The following FASTKD1 variants were observed in gnomAD, a reference collection of about 807,000 sequenced individuals.
The protein encoded by FASTKD1 is FAST kinase domains 1.
Under a neutral mutation model 90.9 loss-of-function variants are expected in FASTKD1, and 94 were observed. That is an observed-to-expected ratio of 1.03 (90% CI 0.88 to 1.23). FASTKD1 has a LOEUF of 1.23. Among genes scored for constraint, FASTKD1 ranks in the 50% most tolerant of loss-of-function variants. The probability of loss-of-function intolerance (pLI) is 0.00; values close to 1 mark genes in which losing one functional copy is unlikely to be tolerated. For synonymous variants in FASTKD1, 319 were observed against 345.8 expected (o/e 0.92, Z 0.86); for missense variants, 945 against 993.5 (o/e 0.95, Z 0.66).
At chr2:169,534,234 C>T (rs1320691924) in intron 12 of FASTKD1, among the ~76,000 whole-genome samples, 2 of 135,604 alleles carry the variant, frequency 1.5e-5, no homozygotes, top group African/African-American at 2.8e-5. Context: ...CTTTAGGAGA[C>T]GATTAAGTCA....
chr2:169,532,275 G>C (rs1001476336), intron 12 of FASTKD1, among the ~76,000 whole-genome samples: 2 of 151,962 alleles, frequency 1.3e-5, no homozygotes, highest in African/African-American at 4.8e-5. Context: ...TAAAAAATAA[G>C]CCAGGTGTAG....
chr2:169,544,569 TCAAAAA>T lies in FASTKD1; in HGVS notation c.1816+146_1816+151del, dbSNP rs1685100313. 5.9e-5 allele frequency: 35 copies of T among 589,726 alleles called. No homozygotes were observed. In the South Asian group the frequency reaches 6.3e-4, roughly 11 times the overall value. The allele number at this position is 589,726 out of a possible 1,614,324, so 36.5% of individuals were successfully genotyped here. On this transcript the variant is annotated intron_variant, in intron 9 of 14. Transcript: ENST00000453153. ...CTGGGCGACAGAGCAAGACTCTGTC[TCAAAAA>T]CAAACAAACAAACAAAAAACCTTTT...
intron 3 of FASTKD1, among the ~76,000 whole-genome samples, chr2:169,566,086 G>C (rs535551827): frequency 6.6e-6 from 1 of 152,056 alleles, no homozygotes; most frequent in East Asian, 1.9e-4. Context: ...TTAATCCCTT[G>C]TCAGATGGGT....
intron 5 of FASTKD1, among the ~76,000 whole-genome samples, chr2:169,559,585 T>C (rs1441569490): frequency 6.6e-6 from 1 of 152,140 alleles, no homozygotes; most frequent in Non-Finnish European, 1.5e-5. Context: ...ATCTGGCTAA[T>C]TTTGTATTTT....
At chr2:169,563,518 C>T (rs962585077) in intron 3 of FASTKD1, 168 bp from the exon 4 acceptor site, 1 of 369,122 alleles carries the variant, frequency 2.7e-6, no homozygotes, top group African/African-American at 2.1e-5. Context: ...AAGTCAGATA[C>T]TGTAGAAAGG....
At chr2:169,549,014 G>A (rs1041147161) in intron 7 of FASTKD1, among the ~76,000 whole-genome samples, 1 of 148,532 alleles carries the variant, frequency 6.7e-6, no homozygotes, top group Non-Finnish European at 1.5e-5. Context: ...GGAGAATGGC[G>A]TGAACCCGGG....
At chr2:169,540,741 T>G (rs540651190) in intron 9 of FASTKD1, among the ~76,000 whole-genome samples, 2 of 152,144 alleles carry the variant, frequency 1.3e-5, no homozygotes, top group African/African-American at 4.8e-5. Context: ...AAGATCAGAG[T>G]TGGCAGCGGA....
In FASTKD1 at chr2:169,531,478, A is replaced by G; in HGVS notation, c.2201T>C (p.Ile734Thr). ...PYYHKVDFEC[I>T]LDKRKKPLPY... ...AAGAGGTTTTTTTCTTTTATCCAAG[A>G]TACACTCAAAATCTTAAGGAAGCAT... The change falls in exon 13 of 15, where the codon ATC (isoleucine) becomes ACC (threonine). Residue 734 changes from isoleucine to threonine, a missense_variant. Transcript: ENST00000453153. 1 of 1,605,356 alleles carries G rather than the reference A, an allele frequency of 6.2e-7. No homozygotes were observed. Among genetic ancestry groups the G allele is most frequent in the South Asian group, 1.1e-5 (1 of 89,394 alleles).
chr2:169,539,784 A>G (rs564437785), intron 10 of FASTKD1, among the ~76,000 whole-genome samples: 38 of 152,326 alleles, frequency 2.5e-4, no homozygotes, highest in African/African-American at 8.2e-4. Flanking sequence ...AAAAAAACAC[A>G]GATATATAAT....
chr2:169,559,396 T>A (rs907672311), intron 5 of FASTKD1, among the ~76,000 whole-genome samples: 1 of 152,226 alleles, frequency 6.6e-6, no homozygotes, highest in South Asian at 2.1e-4. Context: ...ATCATACTTA[T>A]GTGTTAGGAC....
At chr2:169,563,456 A>C in intron 3 of FASTKD1, 106 bp from the exon 4 acceptor site, 1 of 808,154 alleles carries the variant, frequency 1.2e-6, no homozygotes, top group Non-Finnish European at 1.7e-6. Context: ...AATTACATAA[A>C]ATTTTTTTTC....
intron 7 of FASTKD1, among the ~76,000 whole-genome samples, chr2:169,550,767 T>C (rs924419193): frequency 2.0e-5 from 3 of 152,210 alleles, no homozygotes. Flanking sequence ...TTTCCAAAAT[T>C]TTCAAAATGA....
In FASTKD1 at chr2:169,529,781, T is replaced by G; in HGVS notation, c.*44A>C. Reference sequence around the variant, plus strand: ...ATTGAGACAGGCCACTTTATTAAAATAGGTCCAAATGTAACACACGATAAC... The same window carrying G: ...ATTGAGACAGGCCACTTTATTAAAAGAGGTCCAAATGTAACACACGATAAC... On this transcript the variant is annotated 3_prime_UTR_variant, in exon 15 of 15. Transcript: ENST00000453153. 7.2e-7 allele frequency: 1 copy of G among 1,383,344 alleles called. No homozygotes were observed. Among genetic ancestry groups the G allele is most frequent in the Non-Finnish European group, 1.0e-6 (1 of 988,514 alleles). The allele number at this position is 1,383,344 out of a possible 1,614,324, so 85.7% of individuals were successfully genotyped here.
intron 7 of FASTKD1, among the ~76,000 whole-genome samples, chr2:169,549,110 A>C (rs1685368162): frequency 1.3e-5 from 2 of 150,676 alleles, no homozygotes; most frequent in Admixed American, 1.3e-4. Context: ...AAATTAAATA[A>C]ATAGCTGGGC....
chr2:169,546,473 T>C lies in FASTKD1; in HGVS notation c.1446A>G (p.Lys482=), dbSNP rs1329784398. The part of the protein sequence containing the change: ...MTAKQLKLLQ[K]LDHYGRQRLQ... ...GTCTCTGACGACCATAGTGATCTAA[T>C]TTTTGAAGTAGTTTCAGTTGTTTCG... Residue 482 remains lysine, a synonymous_variant, in exon 8 of 15, where the codon AAA becomes AAG. Transcript: ENST00000453153. The C allele has an allele frequency of 1.2e-6, 2 of 1,614,092 alleles. No individual in the cohort carries two copies. Among genetic ancestry groups the C allele is most frequent in the African/African-American group, 1.3e-5 (1 of 74,934 alleles).
At chr2:169,538,463 G>C (rs1340128040) in intron 10 of FASTKD1, among the ~76,000 whole-genome samples, 1 of 151,914 alleles carries the variant, frequency 6.6e-6, no homozygotes, top group Non-Finnish European at 1.5e-5. Flanking sequence ...GATCACCTGA[G>C]GTCGGGAGTT....
intron 7 of FASTKD1, among the ~76,000 whole-genome samples, chr2:169,547,089 C>T (rs1195367180): frequency 3.3e-5 from 5 of 152,198 alleles, no homozygotes; most frequent in African/African-American, 9.7e-5. Context: ...AGTTGGGTTT[C>T]CCATGACCTC....
rs753480316 is a variant in FASTKD1, at chr2:169,546,589, G to T, written c.1330C>A (p.Pro444Thr). 10 of 1,614,148 alleles carry T rather than the reference G, an allele frequency of 6.2e-6. No homozygotes were observed. The South Asian group carries it at 1.1e-4, about 18-fold the overall frequency. Residue 444 changes from proline to threonine, a missense_variant, in exon 8 of 15, where the codon CCA (proline) becomes ACA (threonine). Physicochemically the swap from Pro to Thr is conservative, Grantham distance 38 (BLOSUM62 -1). Coordinates refer to ENST00000453153, the MANE Select transcript of FASTKD1 (RefSeq NM_024622.6). ...CTCAGGTTATTTAGGTCACACTGTG[G>T]TAAAACGGCTTCAATTCGGGATATC... ...VGISRIEAVL[P>T]QCDLNNLSSF...
chr2:169,551,479 T>C (rs964551331), intron 7 of FASTKD1, among the ~76,000 whole-genome samples: 21 of 152,110 alleles, frequency 1.4e-4, no homozygotes, highest in African/African-American at 5.1e-4. Context: ...AACTTAGTAT[T>C]GAGCAAAAGA....
Sources: allele counts gnomAD v4.1 joint callset (sites outside exome capture counted in the v4.1 genomes callset), GRCh38; gene constraint gnomAD v4.1.1; transcripts MANE v1.5; gene names NCBI Gene and HGNC (gene_info 2026-07-23, HGNC 2026-07-21).